The following TTC7A variants were observed in gnomAD, a reference collection of about 807,000 sequenced individuals.
TTC7A encodes the protein tetratricopeptide repeat protein 7A.
TTC7A carries 110 observed loss-of-function variants against 103.7 expected under a neutral mutation model. The ratio of observed to expected loss-of-function variants is 1.06; its 90% confidence interval spans 0.91 to 1.24. TTC7A has a LOEUF of 1.24. Ranked by LOEUF, TTC7A falls within the 50% of genes most tolerant of loss-of-function variation. The pLI, the probability that TTC7A is intolerant of heterozygous loss-of-function variation, is 0.00. For missense variants in TTC7A, 1,340 were observed against 1,116.3 expected (o/e 1.20, Z -2.86); for synonymous variants, 521 against 467.9 (o/e 1.11, Z -1.47).
At chr2:47,073,062 C>T (rs940928512) in intron 19 of TTC7A, among the ~76,000 whole-genome samples, 7 of 152,304 alleles carry the variant, frequency 4.6e-5, no homozygotes, top group East Asian at 3.9e-4. Flanking sequence ...CACCCAGCAC[C>T]CCATCCCCCG....
chr2:47,072,046 T>TTCCCTCC (rs924802642), intron 19 of TTC7A, among the ~76,000 whole-genome samples: 2 of 152,180 alleles, frequency 1.3e-5, no homozygotes, highest in Non-Finnish European at 2.9e-5. Flanking sequence ...GCTGGCCTCC[T>TTCCCTCC]TCCCTCCTCC....
upstream of TTC7A, among the ~76,000 whole-genome samples, chr2:46,936,617 C>T (rs1365610918): frequency 2.0e-5 from 3 of 152,236 alleles, no homozygotes; most frequent in South Asian, 2.1e-4. Context: ...ATGGCTTCCT[C>T]GGGCCAGACT....
intron 1 of TTC7A, among the ~76,000 whole-genome samples, chr2:46,945,540 G>T (rs891217340): frequency 6.6e-6 from 1 of 152,188 alleles, no homozygotes; most frequent in African/African-American, 2.4e-5. Flanking sequence ...GAGCCACCGT[G>T]CCCAGCTACC....
intron 11 of TTC7A, among the ~76,000 whole-genome samples, chr2:47,016,934 C>T (rs1678720018): frequency 6.6e-6 from 1 of 152,006 alleles, no homozygotes; most frequent in Non-Finnish European, 1.5e-5. Flanking sequence ...CAAGGTGGCT[C>T]ACACCTGTAA....
intron 2 of TTC7A, among the ~76,000 whole-genome samples, chr2:46,917,637 C>T (rs1558469895): frequency 6.6e-6 from 1 of 152,160 alleles, no homozygotes; most frequent in Non-Finnish European, 1.5e-5. Flanking sequence ...TGTGTTATGT[C>T]TCTCTTGAAT....
At chr2:46,949,850 A>G (rs985498690) in intron 1 of TTC7A, among the ~76,000 whole-genome samples, 20 of 152,158 alleles carry the variant, frequency 1.3e-4, no homozygotes, top group African/African-American at 4.3e-4. Flanking sequence ...CACTCCAGCT[A>G]GGGTGGCAGA....
chr2:47,006,166 C>G, intron 9 of TTC7A, 107 bp downstream of exon 9: 1 of 1,455,574 alleles, frequency 6.9e-7, no homozygotes, highest in Non-Finnish European at 9.3e-7. Flanking sequence ...CCCTGCCAGG[C>G]TGCTCTGCCG....
chr2:46,916,814 T>TA (rs1479396079), intron 1 of TTC7A, among the ~76,000 whole-genome samples: 4 of 152,092 alleles, frequency 2.6e-5, no homozygotes, highest in African/African-American at 9.7e-5. Flanking sequence ...TTTGTATTTT[T>TA]AGTAGAGACG....
intron 8 of TTC7A, among the ~76,000 whole-genome samples, chr2:47,003,898 A>T (rs1036101805): frequency 1.3e-5 from 2 of 152,184 alleles, no homozygotes; most frequent in Non-Finnish European, 2.9e-5. Context: ...GGGTCAGTAC[A>T]TCGCCGGGGA....
rs1449868036 is a variant in TTC7A at position 47,075,162 on chromosome 2, C to G, written c.*1239C>G. 2 of 152,254 alleles carry G rather than the reference C, an allele frequency of 1.3e-5. No homozygotes were observed. The highest frequency in any genetic ancestry group is 4.8e-5 in the African/African-American group (2 of 41,472). The allele number at this position is 152,254 out of a possible 1,614,324, so 9.4% of individuals were successfully genotyped here. ...CCATCCATGGCACACTAGCTCAGCACTGCATTTCCCGAGATGATTCCCAAG... is the reference window on the plus strand; with the variant it reads ...CCATCCATGGCACACTAGCTCAGCAGTGCATTTCCCGAGATGATTCCCAAG... On this transcript the variant is annotated 3_prime_UTR_variant, in exon 20 of 20. Transcript: ENST00000319190.
intron 4 of TTC7A, 29 bp from the exon 5 acceptor site, chr2:46,978,763 A>G (rs771124656): frequency 3.1e-6 from 5 of 1,593,200 alleles, no homozygotes; most frequent in Middle Eastern, 1.7e-4. Context: ...ACTTTGAGAC[A>G]ATGGCTCTCT....
Position 47,007,077 on chromosome 2 carries a change from G to A in TTC7A, c.1287+353G>A, listed in dbSNP as rs118145273. 0.026 allele frequency among the ~76,000 whole-genome samples: 3,964 copies of A among 152,286 alleles called. 114 individuals are homozygous for A. The highest frequency in any genetic ancestry group is 0.069 in the East Asian group (356 of 5,172). On this transcript the variant is annotated intron_variant, in intron 10 of 19. Coordinates refer to ENST00000319190, the MANE Select transcript of TTC7A (RefSeq NM_020458.4). The surrounding 1 kb of genome is among the most constrained non-coding windows in gnomAD (Gnocchi z 4.9). ...GAGTGAACATTGTTCCACGTGGGCT[G>A]TAGTTCTCATCCTGTCCACTGAGCA...
At chr2:46,971,367 C>T (rs1441908295) in intron 3 of TTC7A, among the ~76,000 whole-genome samples, 1 of 152,120 alleles carries the variant, frequency 6.6e-6, no homozygotes, top group African/African-American at 2.4e-5. Flanking sequence ...GGATACATTC[C>T]AGGCAGGAGG....
chr2:46,942,436 C>T lies in TTC7A; in HGVS notation c.184+711C>T, dbSNP rs80227076. Reference sequence around the variant, plus strand: ...CCTGAGTCCTCTCTGTGGGCACAATCACTTAGGAGGCTTTGTGGAAGGAGG... The same window carrying T: ...CCTGAGTCCTCTCTGTGGGCACAATTACTTAGGAGGCTTTGTGGAAGGAGG... On this transcript the variant is annotated intron_variant, in intron 1 of 19. Coordinates refer to ENST00000319190, the MANE Select transcript of TTC7A (RefSeq NM_020458.4). Among the ~76,000 whole-genome samples, 806 of 152,278 alleles carry T rather than the reference C, an allele frequency of 5.3e-3. 5 individuals are homozygous for T. The highest frequency in any genetic ancestry group is 9.4e-3 in the Non-Finnish European group (641 of 68,036).
At chr2:46,989,160 AC>A (rs1675346316) in intron 5 of TTC7A, among the ~76,000 whole-genome samples, 2 of 152,154 alleles carry the variant, frequency 1.3e-5, no homozygotes, top group South Asian at 4.1e-4. Flanking sequence ...CCTAAGATGA[AC>A]CGTGTCCTTG....
At chr2:47,015,421 C>G (rs973712451) in intron 11 of TTC7A, among the ~76,000 whole-genome samples, 2 of 152,222 alleles carry the variant, frequency 1.3e-5, no homozygotes, top group African/African-American at 4.8e-5. Flanking sequence ...CATCTCTCAC[C>G]TCCTTCCTGA....
intron 19 of TTC7A, among the ~76,000 whole-genome samples, chr2:47,072,745 A>G (rs1684870744): frequency 6.6e-6 from 1 of 152,108 alleles, no homozygotes; most frequent in African/African-American, 2.4e-5. Context: ...TGCCACCCTC[A>G]GGGCTGAAAC....
chr2:47,023,301 T>C, intron 12 of TTC7A, 107 bp from the exon 13 acceptor site: 1 of 1,207,832 alleles, frequency 8.3e-7, no homozygotes, highest in South Asian at 1.3e-5. Context: ...GATGGGACCC[T>C]GGTGGGGCCT....
chr2:46,935,147 G>T (rs983825786), intron 2 of TTC7A, among the ~76,000 whole-genome samples: 7 of 152,166 alleles, frequency 4.6e-5, no homozygotes, highest in Non-Finnish European at 1.0e-4. Flanking sequence ...CAACACCCCT[G>T]AGAAGCGTTG....
Sources: gnomAD v4.1 joint callset for allele counts (sites outside exome capture counted in the v4.1 genomes callset) on GRCh38, gnomAD v4.1.1 for gene constraint, Gnocchi (gnomAD v3.1) non-coding constraint, MANE v1.5 for transcripts, NCBI Gene and HGNC (gene_info 2026-07-23, HGNC 2026-07-21) for gene names.